Variants in SNRPA1 observed in about 807,000 individuals in gnomAD.
The protein encoded by SNRPA1 is U2 small nuclear ribonucleoprotein A'.
In SNRPA1, 5 loss-of-function variants were observed where a neutral mutation model predicts 32.3. The observed-to-expected ratio is 0.15, with a 90% CI of 0.08 to 0.33. The LOEUF is 0.33. Among genes scored for constraint, SNRPA1 ranks in the 10% least tolerant of loss-of-function variants. SNRPA1 has a pLI of 1.00. For missense variants in SNRPA1, 198 were observed against 311.1 expected (o/e 0.64, Z 2.74); for synonymous variants, 111 against 120.1 (o/e 0.92, Z 0.50).
chr15:101,289,519 A>C (rs985963570), intron 3 of SNRPA1, among the ~76,000 whole-genome samples: 1 of 152,260 alleles, frequency 6.6e-6, no homozygotes, highest in African/African-American at 2.4e-5. Context: ...CGGGTGGGAC[A>C]GACAGGAAGC....
chr15:101,289,485 A>C (rs1009804170), intron 3 of SNRPA1, among the ~76,000 whole-genome samples: 1 of 152,222 alleles, frequency 6.6e-6, no homozygotes, highest in Non-Finnish European at 1.5e-5. Context: ...ATCTACAATA[A>C]AGGAGAGAAA....
intron 3 of SNRPA1, 145 bp from the exon 4 acceptor site, chr15:101,287,847 A>G (rs2039473238): frequency 3.0e-6 from 2 of 666,794 alleles, no homozygotes; most frequent in Non-Finnish European, 5.4e-6. Context: ...CTAGCACATC[A>G]CAAATGTTTA....
chr15:101,287,699 C>G lies in SNRPA1; in HGVS notation c.313G>C (p.Asp105His). The change falls in exon 4 of 9, where the codon GAT (aspartate) becomes CAT (histidine). Residue 105 changes from aspartate to histidine, a missense_variant. Asp to His is a moderately conservative substitution (Grantham distance 81). Coordinates refer to ENST00000254193, the MANE Select transcript of SNRPA1 (RefSeq NM_003090.4). ...LTNNSLVELGDLDPLASLKSL... is the reference protein window; with the variant it reads ...LTNNSLVELGHLDPLASLKSL... ...TTGAGAGATGCCAGAGGGTCCAGATCACCCTGTCAAGCAATAGCCACAGGT... is the reference window on the plus strand; with the variant it reads ...TTGAGAGATGCCAGAGGGTCCAGATGACCCTGTCAAGCAATAGCCACAGGT... The G allele has an allele frequency of 2.5e-6, 4 of 1,613,820 alleles. No individual in the cohort carries two copies. The highest frequency in any genetic ancestry group is 3.4e-6 in the Non-Finnish European group (4 of 1,179,760).
Position 101,281,602 on chromosome 15 carries a change from T to A in SNRPA1, c.*122A>T. 1.4e-6 allele frequency: 1 copy of A among 712,114 alleles called. No individual in the cohort carries two copies. 44.1% of individuals were successfully genotyped at this position (712,114 alleles called of 1,614,324 possible). A position where few individuals can be genotyped will look rare whatever the true frequency, so the allele number is the denominator to read the frequency against. ...TATATTACAAAATTATCAGCAGCAG[T>A]CTTAAGCATTTCAACAATGCTGATA... On this transcript the variant is annotated 3_prime_UTR_variant, in exon 9 of 9. Coordinates refer to ENST00000254193, the MANE Select transcript of SNRPA1 (RefSeq NM_003090.4).
chr15:101,295,047 AGGCGGCTCGGTGCC>A (rs2039573122), intron 1 of SNRPA1, 36 bp downstream of exon 1: 1 of 1,250,950 alleles, frequency 8.0e-7, no homozygotes. Flanking sequence ...GCGGAAAATA[AGGCGGCTCGGTGCC>A]GCCTGGGGAC....
rs548069314 is a variant in SNRPA1, at chr15:101,287,124, T to C, written c.357-114A>G. ...CAAGGGAACATTCACATTCTTCACA[T>C]TGCAACATTGTAACAATTTAACATT... On this transcript the variant is annotated intron_variant, in intron 4 of 8. Coordinates refer to ENST00000254193, the MANE Select transcript of SNRPA1 (RefSeq NM_003090.4). The C allele has an allele frequency of 7.4e-6, 4 of 542,216 alleles. No individual in the cohort carries two copies. The South Asian group carries it at 8.0e-5, about 11-fold the overall frequency. The allele number at this position is 542,216 out of a possible 1,614,324, so 33.6% of individuals were successfully genotyped here. A position where few individuals can be genotyped will look rare whatever the true frequency, so the allele number is the denominator to read the frequency against.
chr15:101,281,924 A>G, intron 8 of SNRPA1, 142 bp from the exon 9 acceptor site: 1 of 752,620 alleles, frequency 1.3e-6, no homozygotes, highest in African/African-American at 1.7e-5. Context: ...GCCTTTGAGG[A>G]GCTTATCGTC....
intron 7 of SNRPA1, among the ~76,000 whole-genome samples, chr15:101,285,506 T>C (rs2141307083): frequency 6.6e-6 from 1 of 152,292 alleles, no homozygotes; most frequent in South Asian, 2.1e-4. Context: ...CCTTGGAAAA[T>C]GAGAAAGACA....
chr15:101,286,343 A>G (rs373349931), intron 5 of SNRPA1, 50 bp from the exon 6 acceptor site: 1 of 1,508,818 alleles, frequency 6.6e-7, no homozygotes, highest in Non-Finnish European at 9.2e-7. Context: ...TACCACATGC[A>G]TTTAGATGCA....
chr15:101,287,849 A>C, intron 3 of SNRPA1, 147 bp from the exon 4 acceptor site: 2 of 658,580 alleles, frequency 3.0e-6, no homozygotes. Flanking sequence ...AGCACATCAC[A>C]AATGTTTAAA....
chr15:101,283,922 AAG>A (rs2039425291), intron 8 of SNRPA1, among the ~76,000 whole-genome samples: 3 of 152,388 alleles, frequency 2.0e-5, no homozygotes, highest in Non-Finnish European at 2.9e-5. Context: ...CCTGGGCAAA[AAG>A]AGCAAAACTC....
intron 5 of SNRPA1, 126 bp downstream of exon 5, chr15:101,286,782 C>T (rs938902627): frequency 8.2e-6 from 5 of 607,726 alleles, no homozygotes; most frequent in Non-Finnish European, 1.2e-5. Flanking sequence ...AACATTTTCC[C>T]TCCCACTTTT....
At chr15:101,285,431 T>TA (rs1157330421) in intron 7 of SNRPA1, among the ~76,000 whole-genome samples, 2 of 152,154 alleles carry the variant, frequency 1.3e-5, no homozygotes, top group Non-Finnish European at 2.9e-5. Context: ...TCTTCGAAAG[T>TA]AAAAATTAAG....
At chr15:101,289,305 AG>A (rs1480096453) in intron 3 of SNRPA1, among the ~76,000 whole-genome samples, 1 of 152,238 alleles carries the variant, frequency 6.6e-6, no homozygotes, top group Non-Finnish European at 1.5e-5. Context: ...AGCAGGGTAA[AG>A]GTGTCAAAGT....
intron 8 of SNRPA1, among the ~76,000 whole-genome samples, chr15:101,282,547 G>C (rs1219987682): frequency 6.6e-6 from 1 of 152,174 alleles, no homozygotes; most frequent in Admixed American, 6.5e-5. Context: ...CTTCCTCAAG[G>C]TTAGATGGCA....
chr15:101,294,904 C>T, intron 1 of SNRPA1, 193 bp downstream of exon 1: 1 of 451,838 alleles, frequency 2.2e-6, no homozygotes, highest in Non-Finnish European at 4.0e-6. Context: ...ACAGAAGGCT[C>T]CCAGGAGCTT....
chr15:101,293,344 G>A (rs1419574594), intron 1 of SNRPA1, 172 bp from the exon 2 acceptor site: 3 of 488,118 alleles, frequency 6.1e-6, no homozygotes. Flanking sequence ...AGATACTAGA[G>A]AGAAAACGCT....
chr15:101,291,915 AC>A, intron 3 of SNRPA1, 46 bp downstream of exon 3: 1 of 1,212,448 alleles, frequency 8.2e-7, no homozygotes, highest in Non-Finnish European at 1.2e-6. Flanking sequence ...AGCACATAGT[AC>A]CTTTAACCCC....
chr15:101,291,035 C>T (rs575906473), intron 3 of SNRPA1, among the ~76,000 whole-genome samples: 11 of 152,072 alleles, frequency 7.2e-5, no homozygotes, highest in South Asian at 6.2e-4. Context: ...CCACTGCACC[C>T]GGCTTTTCTA....
Sources: gnomAD v4.1 joint callset for allele counts (sites outside exome capture counted in the v4.1 genomes callset) on GRCh38, gnomAD v4.1.1 for gene constraint, MANE v1.5 for transcripts, NCBI Gene and HGNC (gene_info 2026-07-23, HGNC 2026-07-21) for gene names.